The following CHORDC1 variants were observed in gnomAD, a reference collection of about 807,000 sequenced individuals.
CHORDC1 encodes cysteine and histidine-rich domain-containing protein 1.
Under a neutral mutation model 48.3 loss-of-function variants are expected in CHORDC1, and 25 were observed. The ratio of observed to expected loss-of-function variants is 0.52; its 90% CI spans 0.38 to 0.72. The LOEUF is 0.72. CHORDC1 is among the 30% of genes least tolerant of loss of function. The pLI, the probability that CHORDC1 is intolerant of heterozygous loss-of-function variation, is 0.00. For missense variants in CHORDC1, 317 were observed against 388.7 expected (o/e 0.82, Z 1.55); for synonymous variants, 128 against 126.4 (o/e 1.01, Z -0.09).
intron 2 of CHORDC1, among the ~76,000 whole-genome samples, chr11:90,215,559 CA>C (rs1475677618): frequency 1.3e-5 from 2 of 151,764 alleles, no homozygotes; most frequent in Admixed American, 1.3e-4. Context: ...CTAAAACTAT[CA>C]TATTTAAAGA....
intron 4 of CHORDC1, chr11:90,213,526 G>A (rs941726055): frequency 8.7e-6 from 5 of 575,058 alleles, no homozygotes; most frequent in East Asian, 2.9e-5. Context: ...ATGAGCAAAC[G>A]CTTTTTTAAG....
intron 1 of CHORDC1, among the ~76,000 whole-genome samples, chr11:90,219,064 G>C (rs780108794): frequency 6.6e-6 from 1 of 151,726 alleles, no homozygotes; most frequent in Admixed American, 6.6e-5. Flanking sequence ...TCAGGAGTAC[G>C]AGACCAGCCT....
Position 90,202,352 on chromosome 11 carries a change from A to G in CHORDC1, c.*53T>C. ...GATTACAGCAGCAAGCCACCACTTCACACAGTATTAAAAATTCGGAAATAA... is the reference window on the plus strand; with the variant it reads ...GATTACAGCAGCAAGCCACCACTTCGCACAGTATTAAAAATTCGGAAATAA... On this transcript the variant is annotated 3_prime_UTR_variant, in exon 11 of 11. Transcript: ENST00000320585. 3 of 1,531,282 alleles carry G rather than the reference A, an allele frequency of 2.0e-6. No homozygotes were observed. Among genetic ancestry groups the G allele is most frequent in the Non-Finnish European group, 2.7e-6 (3 of 1,110,252 alleles). 94.9% of individuals were successfully genotyped at this position (1,531,282 alleles called of 1,614,324 possible). A position where few individuals can be genotyped will look rare whatever the true frequency, so the allele number is the denominator to read the frequency against.
Position 90,218,166 on chromosome 11 carries a change from G to T in CHORDC1, c.83C>A (p.Pro28Gln). 1 of 1,575,128 alleles carries T rather than the reference G, an allele frequency of 6.3e-7. No homozygotes were observed. The highest frequency in any genetic ancestry group is 1.2e-5 in the South Asian group (1 of 83,730). ...TGCATCGTGAAAGACCGGAACACCT[G>T]GGTGGTATGTGCAAGCATCTGGAGA... ...TNSDDACTYH[P>Q]GVPVFHDALK... is the part of the protein sequence containing the mutation. The change falls in exon 2 of 11, where the codon CCA (proline) becomes CAA (glutamine). Residue 28 changes from proline to glutamine, a missense_variant. Coordinates refer to ENST00000320585, the MANE Select transcript of CHORDC1 (RefSeq NM_012124.3).
chr11:90,209,657 A>C (rs1445411252), intron 6 of CHORDC1, among the ~76,000 whole-genome samples: 4 of 152,118 alleles, frequency 2.6e-5, no homozygotes, highest in Non-Finnish European at 5.9e-5. Flanking sequence ...AGGATATGCA[A>C]GTTTTATATC....
At chr11:90,208,998 A>G (rs1857782915) in intron 6 of CHORDC1, 1 of 152,122 alleles carries the variant, frequency 6.6e-6, no homozygotes, top group African/African-American at 2.4e-5. Flanking sequence ...TACTTGTGCT[A>G]TTACTTACGC....
chr11:90,218,049 G>T, intron 2 of CHORDC1, 86 bp downstream of exon 2: 2 of 1,011,426 alleles, frequency 2.0e-6, no homozygotes, highest in East Asian at 2.9e-5. Flanking sequence ...CACTAGCTGA[G>T]AAAAAAAGAT....
chr11:90,221,356 G>A (rs1341708877), intron 1 of CHORDC1, among the ~76,000 whole-genome samples: 2 of 151,988 alleles, frequency 1.3e-5, no homozygotes, highest in South Asian at 2.1e-4. Flanking sequence ...TAAAAAAACC[G>A]TCATTTCGCT....
At chr11:90,215,634 T>TTTAG (rs71307209) in intron 2 of CHORDC1, among the ~76,000 whole-genome samples, 64,482 of 151,342 alleles carry the variant, frequency 0.43, 14,192 homozygotes, top group East Asian at 0.59. Flanking sequence ...AGTAACTATC[T>TTTAG]TTAGTTAATT....
Position 90,218,540 on chromosome 11 carries a change from A to G in CHORDC1, c.65-356T>C, listed in dbSNP as rs549143042. ...CCTGCTTTTACAAATGTACTATCAA[A>G]CTTGAAGTATTCTTATGTGCATTCA... On this transcript the variant is annotated intron_variant, in intron 1 of 10. Coordinates refer to ENST00000320585, the MANE Select transcript of CHORDC1 (RefSeq NM_012124.3). Among the ~76,000 whole-genome samples the G allele has an allele frequency of 1.5e-4, 23 of 152,332 alleles. No homozygotes were observed. In the South Asian group the frequency reaches 4.6e-3, roughly 30 times the overall value.
At chr11:90,205,784 G>A (rs1591049679) in intron 7 of CHORDC1, 1 of 520,496 alleles carries the variant, frequency 1.9e-6, no homozygotes, top group East Asian at 3.4e-5. Context: ...CTATAAACTA[G>A]AGCATAATAC....
intron 1 of CHORDC1, among the ~76,000 whole-genome samples, chr11:90,221,482 A>G (rs1400265238): frequency 6.6e-6 from 1 of 152,220 alleles, no homozygotes; most frequent in African/African-American, 2.4e-5. Context: ...CAATTCACAC[A>G]TGGATACAGA....
rs1280170882 is a variant in CHORDC1, at chr11:90,200,598, T to C, written c.*1807A>G. ...AAAGGCTCCTTAAGAAGAAAGTAAATACCATGGTCACTAATGTAACCAGAC... is the reference window on the plus strand; with the variant it reads ...AAAGGCTCCTTAAGAAGAAAGTAAACACCATGGTCACTAATGTAACCAGAC... On this transcript the variant is annotated 3_prime_UTR_variant, in exon 11 of 11. Coordinates refer to ENST00000320585, the MANE Select transcript of CHORDC1 (RefSeq NM_012124.3). Among the ~76,000 whole-genome samples, 1 of 151,922 alleles carries C rather than the reference T, an allele frequency of 6.6e-6. No individual in the cohort carries two copies. The highest frequency in any genetic ancestry group is 1.5e-5 in the Non-Finnish European group (1 of 67,868).
At chr11:90,209,428 C>A (rs1288928129) in intron 6 of CHORDC1, 4 of 152,086 alleles carry the variant, frequency 2.6e-5, no homozygotes, top group African/African-American at 9.7e-5. Context: ...AAGTTCGGAA[C>A]CATCTGTACT....
At chr11:90,205,694 T>G in intron 7 of CHORDC1, 129 bp from the exon 8 acceptor site, 1 of 629,270 alleles carries the variant, frequency 1.6e-6, no homozygotes, top group South Asian at 2.1e-5. Flanking sequence ...TACAAGTGTC[T>G]AAGTTACTAA....
chr11:90,218,278 C>CT, intron 1 of CHORDC1, 94 bp from the exon 2 acceptor site: 1 of 921,740 alleles, frequency 1.1e-6, no homozygotes, highest in Non-Finnish European at 1.6e-6. Flanking sequence ...ACCTTTAATC[C>CT]TTTTTCCAAA....
chr11:90,216,409 C>A, intron 2 of CHORDC1: 1 of 230,274 alleles, frequency 4.3e-6, no homozygotes, highest in Non-Finnish European at 8.7e-6. Flanking sequence ...CTGAATATGC[C>A]CCTTCTAATA....
At chr11:90,222,429 T>G (rs1039351668) in intron 1 of CHORDC1, 3 of 357,812 alleles carry the variant, frequency 8.4e-6, no homozygotes, top group Non-Finnish European at 1.6e-5. Flanking sequence ...AGAGCTTACA[T>G]GCTAGGACAA....
chr11:90,215,958 C>T (rs1858002050), intron 2 of CHORDC1, among the ~76,000 whole-genome samples: 1 of 151,998 alleles, frequency 6.6e-6, no homozygotes, highest in African/African-American at 2.4e-5. Flanking sequence ...GCCTGGACCT[C>T]GCTGATTTTC....
Sources: allele counts gnomAD v4.1 joint callset (sites outside exome capture counted in the v4.1 genomes callset), GRCh38; gene constraint gnomAD v4.1.1; transcripts MANE v1.5; gene names NCBI Gene and HGNC (gene_info 2026-07-23, HGNC 2026-07-21).